Variants in FAF1 observed in about 807,000 individuals in gnomAD.
FAF1 encodes the protein FAS-associated factor 1.
A neutral mutation model predicts 92.5 loss-of-function variants in FAF1; 25 were observed. That is an observed-to-expected ratio of 0.27 (90% confidence interval 0.20 to 0.38). The LOEUF (loss-of-function observed/expected upper bound fraction) is 0.38, where lower values mean the gene tolerates loss of function less well. Among genes scored for constraint, FAF1 ranks in the 10% least tolerant of loss-of-function variants. The pLI, the probability that FAF1 is intolerant of heterozygous loss-of-function variation, is 1.00. For missense variants in FAF1, 636 were observed against 793.3 expected (o/e 0.80, Z 2.38); for synonymous variants, 234 against 273.2 (o/e 0.86, Z 1.42).
At chr1:50,685,375 G>C (rs138536915) in intron 7 of FAF1, among the ~76,000 whole-genome samples, 3 of 152,304 alleles carry the variant, frequency 2.0e-5, no homozygotes, top group South Asian at 2.1e-4. Context: ...TACTGATAAA[G>C]AGTCCGTGTA....
intron 14 of FAF1, among the ~76,000 whole-genome samples, chr1:50,538,509 T>C (rs1043075585): frequency 2.7e-5 from 4 of 150,916 alleles, no homozygotes; most frequent in African/African-American, 4.9e-5. Context: ...TTATAAACTA[T>C]TCCTTTTGAG....
intron 7 of FAF1, among the ~76,000 whole-genome samples, chr1:50,700,872 G>A (rs1175571610): frequency 6.6e-6 from 1 of 152,060 alleles, no homozygotes; most frequent in African/African-American, 2.4e-5. Context: ...GAAAAGACTT[G>A]TCAGTTCCAA....
intron 2 of FAF1, among the ~76,000 whole-genome samples, chr1:50,803,936 G>T (rs763120534): frequency 2.6e-5 from 4 of 152,082 alleles, no homozygotes; most frequent in Admixed American, 6.5e-5. Context: ...ACAGATTTTT[G>T]ACTGTGATGA....
rs975556693 is a variant in FAF1, at chr1:50,959,987, C to T, written c.-176G>A. On this transcript the variant is annotated 5_prime_UTR_variant, in exon 1 of 19. Coordinates refer to ENST00000396153, the MANE Select transcript of FAF1 (RefSeq NM_007051.3). ...GCGGGGCAGCGCGGGAAGCGCTAGG[C>T]GCTCATGCACTCGGTAACCTTCAGG... 1.0e-5 allele frequency: 4 copies of T among 392,476 alleles called. No individual in the cohort carries two copies. Among genetic ancestry groups the T allele is most frequent in the African/African-American group, 4.2e-5 (2 of 48,060 alleles). The allele number at this position is 392,476 out of a possible 1,614,324, so 24.3% of individuals were successfully genotyped here.
At chr1:50,870,318 A>G (rs1644517093) in intron 1 of FAF1, among the ~76,000 whole-genome samples, 1 of 152,196 alleles carries the variant, frequency 6.6e-6, no homozygotes, top group African/African-American at 2.4e-5. Context: ...TTAGCTGAGC[A>G]TGGCAGCATG....
intron 1 of FAF1, among the ~76,000 whole-genome samples, chr1:50,943,121 G>A (rs770303225): frequency 1.3e-5 from 2 of 152,080 alleles, no homozygotes; most frequent in Non-Finnish European, 2.9e-5. Flanking sequence ...AACCATCTTG[G>A]CAGCTGATAA....
At chr1:50,775,385 C>A (rs17384696) in intron 4 of FAF1, among the ~76,000 whole-genome samples, 44,081 of 151,828 alleles carry the variant, frequency 0.29, 6,708 homozygotes, top group Middle Eastern at 0.48. Flanking sequence ...ATCTGAAACA[C>A]AAAGGGTAAG....
chr1:50,778,381 G>C (rs1402542413), intron 4 of FAF1, among the ~76,000 whole-genome samples: 2 of 152,118 alleles, frequency 1.3e-5, no homozygotes, highest in East Asian at 3.9e-4. Flanking sequence ...ATTGACTCTT[G>C]AATAATGGGG....
chr1:50,933,282 C>T lies in FAF1; in HGVS notation c.45+26485G>A, dbSNP rs543073276. 4.6e-5 allele frequency among the ~76,000 whole-genome samples: 7 copies of T among 152,308 alleles called. No homozygotes were observed. In the South Asian group the frequency reaches 1.5e-3, roughly 32 times the overall value. On this transcript the variant is annotated intron_variant, in intron 1 of 18. Coordinates refer to ENST00000396153, the MANE Select transcript of FAF1 (RefSeq NM_007051.3). Reference sequence around the variant, plus strand: ...TCTTTTGTCCTTTTAAAATGGAGTGCTTTTAACAGTACCCAAGTCACCTTT... The same window carrying T: ...TCTTTTGTCCTTTTAAAATGGAGTGTTTTTAACAGTACCCAAGTCACCTTT...
chr1:50,799,951 G>T (rs1442067967), intron 3 of FAF1, among the ~76,000 whole-genome samples: 1 of 152,026 alleles, frequency 6.6e-6, no homozygotes, highest in African/African-American at 2.4e-5. Context: ...AATCCACAAT[G>T]ATTTCAAAGC....
At chr1:50,933,953 G>T (rs1046919153) in intron 1 of FAF1, among the ~76,000 whole-genome samples, 1 of 152,172 alleles carries the variant, frequency 6.6e-6, no homozygotes, top group Non-Finnish European at 1.5e-5. Flanking sequence ...CAGGCCCCAT[G>T]ATTCATTTAT....
intron 1 of FAF1, among the ~76,000 whole-genome samples, chr1:50,930,372 A>G (rs2124743305): frequency 6.6e-6 from 1 of 152,306 alleles, no homozygotes; most frequent in South Asian, 2.1e-4. Flanking sequence ...ATTGGCAGGA[A>G]ACAATGTGTA....
At chr1:50,672,346 T>C (rs571661302) in intron 7 of FAF1, among the ~76,000 whole-genome samples, 11 of 151,856 alleles carry the variant, frequency 7.2e-5, no homozygotes, top group Non-Finnish European at 1.5e-4. Context: ...CCAGCCAGTT[T>C]TGTTTTGTTT....
chr1:50,750,275 G>A (rs1659802120), intron 4 of FAF1, among the ~76,000 whole-genome samples: 1 of 151,902 alleles, frequency 6.6e-6, no homozygotes, highest in South Asian at 2.1e-4. Context: ...GCATACTTTT[G>A]TATTTAAAAA....
intron 1 of FAF1, among the ~76,000 whole-genome samples, chr1:50,917,324 G>A (rs977440962): frequency 1.3e-5 from 2 of 152,088 alleles, no homozygotes; most frequent in African/African-American, 4.8e-5. Context: ...TCCTGAAATC[G>A]AGAGAACTTA....
At chr1:50,808,885 T>G (rs1422993664) in intron 2 of FAF1, among the ~76,000 whole-genome samples, 4 of 152,054 alleles carry the variant, frequency 2.6e-5, no homozygotes, top group African/African-American at 9.7e-5. Context: ...CAGCAGCACA[T>G]CCAGTAAGGG....
chr1:50,558,403 T>TAC, intron 13 of FAF1, among the ~76,000 whole-genome samples: 1 of 152,270 alleles, frequency 6.6e-6, no homozygotes, highest in Non-Finnish European at 1.5e-5. Context: ...GGGGACGGGT[T>TAC]ACAGAATGGG....
At chr1:50,495,648 A>G (rs1646889334) in intron 15 of FAF1, among the ~76,000 whole-genome samples, 1 of 152,176 alleles carries the variant, frequency 6.6e-6, no homozygotes, top group Non-Finnish European at 1.5e-5. Flanking sequence ...GCTGGATCAT[A>G]TGGTAGCTCT....
At chr1:50,833,071 C>T (rs1007960189) in intron 2 of FAF1, among the ~76,000 whole-genome samples, 2 of 152,024 alleles carry the variant, frequency 1.3e-5, no homozygotes, top group African/African-American at 4.8e-5. Flanking sequence ...TTCTCCAATC[C>T]TCTGAACACC....
Sources: allele counts gnomAD v4.1 joint callset (sites outside exome capture counted in the v4.1 genomes callset), GRCh38; gene constraint gnomAD v4.1.1; transcripts MANE v1.5; gene names NCBI Gene and HGNC (gene_info 2026-07-23, HGNC 2026-07-21).